Variants in SNTG2 observed in about 807,000 individuals in gnomAD.
SNTG2 encodes gamma-2-syntrophin.
Under a neutral mutation model 70.9 loss-of-function variants are expected in SNTG2, and 74 were observed. The observed-to-expected ratio is 1.04, with a 90% CI of 0.86 to 1.27. The LOEUF (loss-of-function observed/expected upper bound fraction) is 1.27, where lower values mean the gene tolerates loss of function less well. SNTG2 is among the 50% of genes most tolerant of loss of function. The pLI, the probability that SNTG2 is intolerant of heterozygous loss-of-function variation, is 0.00. For missense variants in SNTG2, 717 were observed against 690.7 expected, an observed-to-expected ratio of 1.04 and a Z score of -0.43; for synonymous variants, 278 against 273.8, an observed-to-expected ratio of 1.02 and a Z score of -0.15.
intron 11 of SNTG2, 33 bp downstream of exon 11, chr2:1,239,809 C>A: frequency 6.2e-7 from 1 of 1,602,222 alleles, no homozygotes; most frequent in Middle Eastern, 1.7e-4. Flanking sequence ...CATGATGTAA[C>A]ACATCAGGTA....
intron 1 of SNTG2, among the ~76,000 whole-genome samples, chr2:995,247 A>G (rs893915591): frequency 3.3e-5 from 5 of 152,024 alleles, no homozygotes; most frequent in African/African-American, 1.2e-4. Flanking sequence ...TTTTATACCT[A>G]GTTTGATGGA....
chr2:1,181,244 G>A (rs1273294497), intron 8 of SNTG2, among the ~76,000 whole-genome samples: 1 of 152,012 alleles, frequency 6.6e-6, no homozygotes, highest in Non-Finnish European at 1.5e-5. Flanking sequence ...AAGCATTGTG[G>A]TTATTCTTTG....
chr2:1,145,947 A>G (rs1237792577), intron 6 of SNTG2, among the ~76,000 whole-genome samples: 1 of 152,172 alleles, frequency 6.6e-6, no homozygotes, highest in Non-Finnish European at 1.5e-5. Context: ...AAAGAAGAAA[A>G]CCCTAATGAT....
intron 9 of SNTG2, among the ~76,000 whole-genome samples, chr2:1,235,377 A>C (rs56657979): frequency 7.1e-5 from 3 of 42,376 alleles, no homozygotes; most frequent in African/African-American, 3.1e-4. Flanking sequence ...GAGAGGGGGG[A>C]CCCCTGCCCC....
At chr2:1,194,112 A>G (rs1325002910) in intron 8 of SNTG2, among the ~76,000 whole-genome samples, 1 of 152,238 alleles carries the variant, frequency 6.6e-6, no homozygotes, top group African/African-American at 2.4e-5. Flanking sequence ...TGGAAGTAGC[A>G]AAAGAGTGTT....
chr2:1,175,904 G>T (rs1389679843), intron 8 of SNTG2, among the ~76,000 whole-genome samples: 3 of 152,182 alleles, frequency 2.0e-5, no homozygotes, highest in Non-Finnish European at 4.4e-5. Context: ...AAAGTAACAC[G>T]ACAGTATCGT....
At chr2:968,756 A>G (rs13429476) in intron 1 of SNTG2, among the ~76,000 whole-genome samples, 18,481 of 151,906 alleles carry the variant, frequency 0.12, 1,336 homozygotes, top group Non-Finnish European at 0.16. Context: ...TTACTTATGG[A>G]TTGTGGTATT....
At chr2:951,932 T>C (rs982863745) in intron 1 of SNTG2, among the ~76,000 whole-genome samples, 7 of 152,126 alleles carry the variant, frequency 4.6e-5, no homozygotes, top group Non-Finnish European at 7.4e-5. Context: ...CCCTCCCTTA[T>C]AGGACAGTGG....
At chr2:988,643 T>C (rs751332751) in intron 1 of SNTG2, among the ~76,000 whole-genome samples, 5 of 152,190 alleles carry the variant, frequency 3.3e-5, no homozygotes, top group Non-Finnish European at 7.3e-5. Flanking sequence ...GTGGACGCTA[T>C]AGACACGATT....
chr2:1,072,903 G>A (rs564323487), intron 1 of SNTG2, among the ~76,000 whole-genome samples: 1 of 152,328 alleles, frequency 6.6e-6, no homozygotes, highest in Admixed American at 6.5e-5. Flanking sequence ...AGGGATTTAA[G>A]ACTTCAGTGG....
At chr2:1,214,788 G>C (rs1674272719) in intron 9 of SNTG2, among the ~76,000 whole-genome samples, 1 of 152,236 alleles carries the variant, frequency 6.6e-6, no homozygotes, top group East Asian at 1.9e-4. Flanking sequence ...GATGTGGTGA[G>C]AGTGCACATA....
chr2:988,212 A>AC (rs1202149321), intron 1 of SNTG2, among the ~76,000 whole-genome samples: 5 of 152,312 alleles, frequency 3.3e-5, no homozygotes, highest in African/African-American at 9.6e-5. Flanking sequence ...AGGCGTGGAC[A>AC]CTCAGGTGGG....
At chr2:1,261,533 C>T (rs1173825688) in intron 13 of SNTG2, among the ~76,000 whole-genome samples, 1 of 152,102 alleles carries the variant, frequency 6.6e-6, no homozygotes, top group African/African-American at 2.4e-5. Context: ...CACCAATCAG[C>T]CTTGATTGCA....
rs543583702 is a variant in SNTG2 at position 1,265,423 on chromosome 2, TACAC to T, written c.1078-1934_1078-1931del. Among the ~76,000 whole-genome samples the T allele has an allele frequency of 2.8e-3, 434 of 152,282 alleles. 2 individuals carry two copies. The highest frequency in any genetic ancestry group is 5.9e-3 in the African/African-American group (247 of 41,548). The stretch of plus-strand genomic sequence containing the variant: ...GCACACACATTCTCATGTGCACACA[TACAC>T]ACACACATGTTCTCACGTGCACACA... On this transcript the variant is annotated intron_variant, in intron 13 of 16. Coordinates refer to ENST00000308624, the MANE Select transcript of SNTG2 (RefSeq NM_018968.4).
chr2:1,141,539 C>T (rs1668747981), intron 6 of SNTG2, among the ~76,000 whole-genome samples: 2 of 152,332 alleles, frequency 1.3e-5, no homozygotes, highest in East Asian at 3.9e-4. Flanking sequence ...TACAATAGAG[C>T]ACTCCCTTGC....
In SNTG2 at chr2:1,165,574, T is replaced by C. The variant is rs747344784; in HGVS notation, c.438T>C (p.Asp146=). 3.7e-6 allele frequency: 6 copies of C among 1,612,298 alleles called. No individual in the cohort carries two copies. The highest frequency in any genetic ancestry group is 5.1e-6 in the Non-Finnish European group (6 of 1,178,896). Residue 146 remains aspartate (D), a synonymous_variant, in exon 7 of 17, where the codon GAT becomes GAC. Coordinates refer to ENST00000308624, the MANE Select transcript of SNTG2 (RefSeq NM_018968.4). ...TGCATCTGCTGAGAAATGCTGGCGA[T>C]GAAGTTACCATCACCGTTGAGTATC... ...EVVHLLRNAG[D]EVTITVEYLR... is the part of the protein sequence containing the mutation.
chr2:1,346,776 G>C (rs192333804), intron 16 of SNTG2, among the ~76,000 whole-genome samples: 3 of 152,214 alleles, frequency 2.0e-5, no homozygotes, highest in African/African-American at 7.2e-5. Context: ...GTGCATGGAG[G>C]GTGTGCACTG....
chr2:1,139,280 G>C (rs1202134524), intron 6 of SNTG2, among the ~76,000 whole-genome samples: 1 of 152,170 alleles, frequency 6.6e-6, no homozygotes, highest in Non-Finnish European at 1.5e-5. Flanking sequence ...GCCCAGTGTA[G>C]AGTGCAGTGG....
chr2:1,098,418 C>T lies in SNTG2; in HGVS notation c.325+8C>T. The T allele has an allele frequency of 6.2e-7, 1 of 1,613,908 alleles. No homozygotes were observed. The highest frequency in any genetic ancestry group is 2.2e-5 in the East Asian group (1 of 44,878). On this transcript the variant is annotated splice_region_variant and intron_variant, in intron 4 of 16. Coordinates refer to ENST00000308624, the MANE Select transcript of SNTG2 (RefSeq NM_018968.4). ...TATTCGAAGACCAAGCAGGTAAAAACAGCCAAAATGACCTGTGTATGCATC... is the reference window on the plus strand; with the variant it reads ...TATTCGAAGACCAAGCAGGTAAAAATAGCCAAAATGACCTGTGTATGCATC...
Sources: allele counts gnomAD v4.1 joint callset (sites outside exome capture counted in the v4.1 genomes callset), GRCh38; gene constraint gnomAD v4.1.1; transcripts MANE v1.5; gene names NCBI Gene and HGNC (gene_info 2026-07-23, HGNC 2026-07-21).